The following RNFT2 variants were observed in gnomAD, a reference collection of about 807,000 sequenced individuals.
The protein encoded by RNFT2 is ring finger protein, transmembrane 2.
In RNFT2, 36 loss-of-function variants were observed where a neutral mutation model predicts 53.0. The observed-to-expected ratio is 0.68, with a 90% CI of 0.52 to 0.90. The LOEUF is 0.90. Among genes scored for constraint, RNFT2 ranks in the 40% least tolerant of loss-of-function variants. The pLI, the probability that RNFT2 is intolerant of heterozygous loss-of-function variation, is 0.00. For missense variants in RNFT2, 514 were observed against 585.6 expected, an observed-to-expected ratio of 0.88 and a Z score of 1.26; for synonymous variants, 260 against 253.2, an observed-to-expected ratio of 1.03 and a Z score of -0.26.
intron 8 of RNFT2, among the ~76,000 whole-genome samples, chr12:116,834,355 G>A (rs1436164908): frequency 2.6e-5 from 4 of 152,108 alleles, no homozygotes; most frequent in African/African-American, 9.7e-5. Flanking sequence ...CTGACCTCAA[G>A]TGATCTGCCC....
intron 3 of RNFT2, among the ~76,000 whole-genome samples, chr12:116,749,603 A>C (rs1483916558): frequency 6.6e-6 from 1 of 152,094 alleles, no homozygotes; most frequent in Non-Finnish European, 1.5e-5. Flanking sequence ...CAGGGACAGC[A>C]GTCACACTGG....
intron 7 of RNFT2, among the ~76,000 whole-genome samples, chr12:116,784,505 G>A (rs1280008799): frequency 1.3e-5 from 2 of 152,146 alleles, no homozygotes; most frequent in Non-Finnish European, 2.9e-5. Flanking sequence ...GCTGCCTAGG[G>A]AGGCTCTTTC....
At chr12:116,739,502 A>G (rs899625871) in intron 1 of RNFT2, among the ~76,000 whole-genome samples, 22 of 152,262 alleles carry the variant, frequency 1.4e-4, no homozygotes, top group Non-Finnish European at 1.0e-4. Flanking sequence ...AATAAGTGCT[A>G]TGAATAATAT....
At position 116,749,952 on chromosome 12, in the gene RNFT2, C is replaced by T; in HGVS notation, c.195C>T (p.Gly65=). The T allele has an allele frequency of 6.4e-7, 1 of 1,567,868 alleles. No individual in the cohort carries two copies. Among genetic ancestry groups the T allele is most frequent in the Non-Finnish European group, 8.6e-7 (1 of 1,156,230 alleles). ...SPPALFSGLS[G]SLPTSSFPSS... ...CAGCGCTCTTCTCGGGCTTATCAGG[C>T]AGCCTCCCCACCAGCTCGTTCCCCT... The change falls in exon 4 of 11, where the codon GGC becomes GGT. Residue 65 remains glycine, a synonymous_variant. Coordinates refer to ENST00000257575, the MANE Select transcript of RNFT2 (RefSeq NM_001382266.1).
chr12:116,760,913 C>T (rs765582788), intron 5 of RNFT2, among the ~76,000 whole-genome samples: 2 of 152,198 alleles, frequency 1.3e-5, no homozygotes, highest in African/African-American at 2.4e-5. Context: ...GAGTCTTGCT[C>T]TGTTGTCCAG....
At chr12:116,830,344 G>A (rs1413835418) in intron 7 of RNFT2, among the ~76,000 whole-genome samples, 1 of 152,124 alleles carries the variant, frequency 6.6e-6, no homozygotes, top group East Asian at 1.9e-4. Context: ...CTGGAGTGCA[G>A]TGGCACAATC....
rs1877991148 is a variant in RNFT2, at chr12:116,852,785, C to T, written c.*3337C>T. ...AACTCTTTATTACTTTGGGAAGTCA[C>T]TCAGCCTCCCTGTAGCCATCTCCAG... On this transcript the variant is annotated 3_prime_UTR_variant, in exon 11 of 11. Coordinates refer to ENST00000257575, the MANE Select transcript of RNFT2 (RefSeq NM_001382266.1). 5 of 1,493,532 alleles carry T rather than the reference C, an allele frequency of 3.3e-6. No individual in the cohort carries two copies. Among genetic ancestry groups the T allele is most frequent in the Non-Finnish European group, 3.7e-6 (4 of 1,071,056 alleles). The allele number at this position is 1,493,532 out of a possible 1,614,324, so 92.5% of individuals were successfully genotyped here. A position where few individuals can be genotyped will look rare whatever the true frequency, so the allele number is the denominator to read the frequency against.
intron 4 of RNFT2, among the ~76,000 whole-genome samples, chr12:116,750,553 G>C (rs891666022): frequency 2.6e-5 from 4 of 151,804 alleles, no homozygotes; most frequent in Non-Finnish European, 5.9e-5. Flanking sequence ...GGTTAGGATA[G>C]AAACTTCCTC....
At chr12:116,832,148 AATAT>A (rs1555209703) in intron 7 of RNFT2, among the ~76,000 whole-genome samples, 35 of 55,168 alleles carry the variant, frequency 6.3e-4, no homozygotes, top group African/African-American at 2.4e-3. Flanking sequence ...AAAAAAAAAA[AATAT>A]ATATATATAT....
intron 5 of RNFT2, among the ~76,000 whole-genome samples, chr12:116,762,008 A>G (rs1266274179): frequency 6.7e-6 from 1 of 148,194 alleles, no homozygotes; most frequent in East Asian, 2.0e-4. Flanking sequence ...CAGAGGTTGC[A>G]GTGAGCCGAG....
intron 7 of RNFT2, among the ~76,000 whole-genome samples, chr12:116,786,693 C>T (rs150841176): frequency 6.6e-4 from 101 of 152,328 alleles, no homozygotes; most frequent in Admixed American, 2.2e-3. Flanking sequence ...GTTGCAGTAA[C>T]GAAATACCAC....
intron 1 of RNFT2, among the ~76,000 whole-genome samples, chr12:116,739,711 C>T (rs1871505137): frequency 6.6e-6 from 1 of 152,082 alleles, no homozygotes; most frequent in Admixed American, 6.5e-5. Flanking sequence ...TGTGGGTGGA[C>T]AGGAGTGGGA....
chr12:116,773,048 C>T (rs1421316951), intron 6 of RNFT2, among the ~76,000 whole-genome samples: 2 of 151,658 alleles, frequency 1.3e-5, no homozygotes, highest in East Asian at 2.0e-4. Context: ...AGGATGGTCT[C>T]GATCTCTTGA....
intron 7 of RNFT2, among the ~76,000 whole-genome samples, chr12:116,786,283 G>C (rs2137126245): frequency 6.6e-6 from 1 of 151,714 alleles, no homozygotes; most frequent in Non-Finnish European, 1.5e-5. Context: ...CACCACGCCT[G>C]GGTAATTTTT....
intron 10 of RNFT2, among the ~76,000 whole-genome samples, chr12:116,839,109 A>G (rs568068545): frequency 6.6e-6 from 1 of 152,328 alleles, no homozygotes; most frequent in South Asian, 2.1e-4. Flanking sequence ...GTCCCTGGCT[A>G]TATGGTCTCA....
intron 10 of RNFT2, among the ~76,000 whole-genome samples, chr12:116,847,901 T>A (rs930432181): frequency 3.9e-5 from 6 of 152,168 alleles, no homozygotes; most frequent in African/African-American, 1.4e-4. Flanking sequence ...GTTTGTTACA[T>A]AGGTAAACGT....
At chr12:116,752,216 C>T (rs1019413153) in intron 4 of RNFT2, among the ~76,000 whole-genome samples, 1 of 150,968 alleles carries the variant, frequency 6.6e-6, no homozygotes, top group Non-Finnish European at 1.5e-5. Flanking sequence ...GAGAAAGCTT[C>T]GAGAGGAGAT....
intron 1 of RNFT2, among the ~76,000 whole-genome samples, chr12:116,739,914 T>C (rs1208146578): frequency 6.6e-6 from 1 of 151,628 alleles, no homozygotes. Context: ...ACCTTAAGAG[T>C]TTCAAAGAGG....
chr12:116,782,876 T>C (rs560098511), intron 7 of RNFT2, among the ~76,000 whole-genome samples: 16 of 152,240 alleles, frequency 1.1e-4, no homozygotes, highest in Admixed American at 9.8e-4. Flanking sequence ...TCCTTGTTGG[T>C]TTCCCCAAAC....
Sources: gnomAD v4.1 joint callset for allele counts (sites outside exome capture counted in the v4.1 genomes callset) on GRCh38, gnomAD v4.1.1 for gene constraint, MANE v1.5 for transcripts, NCBI Gene and HGNC (gene_info 2026-07-23, HGNC 2026-07-21) for gene names.